Variants in DNAH1 observed in about 807,000 individuals in gnomAD.
The protein encoded by DNAH1 is axonemal beta dynein heavy chain 1.
DNAH1 carries 327 observed loss-of-function variants against 484.3 expected under a neutral mutation model. The ratio of observed to expected loss-of-function variants is 0.68; its 90% confidence interval spans 0.62 to 0.74. DNAH1 has a LOEUF of 0.74. Among genes scored for constraint, DNAH1 ranks in the 30% least tolerant of loss-of-function variants. The pLI, the probability that DNAH1 is intolerant of heterozygous loss-of-function variation, is 0.00. For missense variants in DNAH1, 5,052 were observed against 5,546.8 expected (o/e 0.91, Z 2.83); for synonymous variants, 2,192 against 2,191.9 (o/e 1.00, Z 0.00).
chr3:52,370,327 A>ACATGGTGCAC lies in DNAH1; in HGVS notation c.6258+107_6258+108insCCATGGTGCA, dbSNP rs1425469598. 9 of 1,537,166 alleles carry ACATGGTGCAC rather than the reference A, an allele frequency of 5.9e-6. No individual in the cohort carries two copies. The Admixed American group carries it at 1.5e-4, about 26-fold the overall frequency. ...TGAAAGAGAGAATTGGATTGGTGCA[A>ACATGGTGCAC]CATGGTGCAACATGGACAAGACCAC... On this transcript the variant is annotated intron_variant, in intron 39 of 77. Transcript: ENST00000420323.
chr3:52,399,406 C>G, intron 76 of DNAH1, 139 bp from the exon 77 acceptor site: 1 of 937,794 alleles, frequency 1.1e-6, no homozygotes, highest in Non-Finnish European at 1.6e-6. Context: ...AGACCACAGG[C>G]CATGGGCTAA....
chr3:52,326,288 G>GCCT lies in DNAH1; in HGVS notation c.556_557insCTC (p.Gln185_His186insPro). On this transcript the variant is annotated inframe_insertion, in exon 4 of 78. Coordinates refer to ENST00000420323, the MANE Select transcript of DNAH1 (RefSeq NM_015512.5). ...TGCCTTTCCAGGTGCTGCCAGGCCA[G>GCCT]CATCCTCGCAAGATTGAGATCGAGA... The GCCT allele has an allele frequency of 6.2e-7, 1 of 1,609,692 alleles. No individual in the cohort carries two copies. The highest frequency in any genetic ancestry group is 8.5e-7 in the Non-Finnish European group (1 of 1,179,760).
chr3:52,365,145 G>A (rs1349185010), intron 34 of DNAH1, 126 bp downstream of exon 34: 1 of 1,319,432 alleles, frequency 7.6e-7, no homozygotes, highest in Non-Finnish European at 1.0e-6. Flanking sequence ...TGTGCTGCAG[G>A]CCCGGGCTCT....
intron 44 of DNAH1, chr3:52,374,066 C>T: frequency 9.8e-7 from 1 of 1,025,512 alleles, no homozygotes; most frequent in East Asian, 2.4e-5. Context: ...GCTTTTAAAG[C>T]TCTTTGACAG....
intron 7 of DNAH1, 50 bp downstream of exon 7, chr3:52,331,359 C>A: frequency 6.4e-7 from 1 of 1,556,388 alleles, no homozygotes; most frequent in South Asian, 1.2e-5. Flanking sequence ...TGGGCCTGGC[C>A]GGCCTGTGAC....
Position 52,341,530 on chromosome 3 carries a change from CTTTTTTTTT to C in DNAH1, c.1287-2944_1287-2936del, listed in dbSNP as rs55645528. Among the ~76,000 whole-genome samples, 49 of 101,168 alleles carry C rather than the reference CTTTTTTTTT, an allele frequency of 4.8e-4. 1 individual carries two copies. The highest frequency in any genetic ancestry group is 1.2e-3 in the Admixed American group (11 of 9,556). 66.4% of individuals were successfully genotyped at this position (101,168 alleles called of 152,430 possible). On this transcript the variant is annotated intron_variant, in intron 8 of 77. Transcript: ENST00000420323. ...CCAGAACAAGAGGGCTTGACTTTGACTTTTTTTTTTTTTTTTTTTTTTTTGAGACAGGGT... is the reference window on the plus strand; with the variant it reads ...CCAGAACAAGAGGGCTTGACTTTGACTTTTTTTTTTTTTTTGAGACAGGGT...
chr3:52,399,500 C>T, intron 76 of DNAH1, 45 bp from the exon 77 acceptor site: 1 of 1,516,182 alleles, frequency 6.6e-7, no homozygotes, highest in Non-Finnish European at 9.0e-7. Flanking sequence ...AACCCAGATT[C>T]TGGGTATTGT....
rs750397107 is a variant in DNAH1 at position 52,355,726 on chromosome 3, C to G, written c.3693+671C>G. Reference sequence around the variant, plus strand: ...CCAGAGATGCCTGAGCTGGTCAGCACTATCCCCAGTCCCCCTCTGCTCACG... The same window carrying G: ...CCAGAGATGCCTGAGCTGGTCAGCAGTATCCCCAGTCCCCCTCTGCTCACG... On this transcript the variant is annotated intron_variant, in intron 21 of 77. Transcript: ENST00000420323. This position sits in a 1 kb window ranked among gnomAD's most constrained non-coding sequence, Gnocchi z 4.5. Among the ~76,000 whole-genome samples the G allele has an allele frequency of 6.6e-6, 1 of 152,258 alleles. No individual in the cohort carries two copies. Among genetic ancestry groups the G allele is most frequent in the African/African-American group, 2.4e-5 (1 of 41,470 alleles).
upstream of DNAH1, chr3:52,316,265 A>C (rs2153222191): frequency 6.6e-6 from 1 of 152,398 alleles, no homozygotes; most frequent in East Asian, 1.9e-4. Flanking sequence ...AGCTGTACCT[A>C]GTGTGGGAAG....
Position 52,396,554 on chromosome 3 carries a change from T to G in DNAH1, c.11430+16T>G. On this transcript the variant is annotated intron_variant, in intron 71 of 77. Transcript: ENST00000420323. ...CTGCCACAAGGTGAGGCACACTTGG[T>G]GCAGGCCTACCCTACCTGCCCCCGT... 6.2e-7 allele frequency: 1 copy of G among 1,612,700 alleles called. No individual in the cohort carries two copies. Among genetic ancestry groups the G allele is most frequent in the Non-Finnish European group, 8.5e-7 (1 of 1,179,232 alleles).
chr3:52,384,204 C>T (rs1227747348), intron 52 of DNAH1, among the ~76,000 whole-genome samples, 173 bp downstream of exon 52: 2 of 152,232 alleles, frequency 1.3e-5, no homozygotes, highest in East Asian at 1.9e-4. Flanking sequence ...ATGCGCAGAG[C>T]CACAGGTCAT....
chr3:52,345,326 T>G (rs1217482356), intron 9 of DNAH1, among the ~76,000 whole-genome samples, 169 bp from the exon 10 acceptor site: 1 of 152,104 alleles, frequency 6.6e-6, no homozygotes, highest in African/African-American at 2.4e-5. Context: ...CTGAAGAGCT[T>G]CAGTGCCACT....
Position 52,358,550 on chromosome 3 carries a change from G to T in DNAH1, c.4087-8G>T. The T allele has an allele frequency of 5.6e-6, 9 of 1,600,650 alleles. No homozygotes were observed. Among genetic ancestry groups the T allele is most frequent in the Non-Finnish European group, 7.7e-6 (9 of 1,173,924 alleles). On this transcript the variant is annotated splice_region_variant and splice_polypyrimidine_tract_variant and intron_variant, in intron 24 of 77. Transcript: ENST00000420323. This position sits in a 1 kb window ranked among gnomAD's most constrained non-coding sequence, Gnocchi z 4.2. The stretch of plus-strand genomic sequence containing the variant: ...GTGACCCCACTCCTGCTCCTCCACT[G>T]CTTGCAGCTGCTATTCCAGGAGGAC...
In DNAH1 at chr3:52,349,288, C is replaced by T; in HGVS notation, c.2394C>T (p.Pro798=). The T allele has an allele frequency of 6.2e-7, 1 of 1,614,026 alleles. No individual in the cohort carries two copies. The stretch of plus-strand genomic sequence containing the variant: ...AGGAGATCCTGGACAGCTCGCTGCC[C>T]AGCAGCATCATCATTGGGCCTTTCT... ...REKEILDSSL[P]SSIIIGPFYI... The change falls in exon 14 of 78, where the codon CCC becomes CCT. Residue 798 remains proline (P), a synonymous_variant. Transcript: ENST00000420323.
Position 52,395,258 on chromosome 3 carries a change from GATCT to G in DNAH1, c.10969-49_10969-46del. 6.3e-7 allele frequency: 1 copy of G among 1,590,586 alleles called. No homozygotes were observed. The highest frequency in any genetic ancestry group is 8.6e-7 in the Non-Finnish European group (1 of 1,166,704). ...ACCCCAGATCCCCCTCCCTTGCCCC[GATCT>G]CTCTGCAGCCCCAGGTGGTCTCAGC... On this transcript the variant is annotated intron_variant, in intron 68 of 77. Coordinates refer to ENST00000420323, the MANE Select transcript of DNAH1 (RefSeq NM_015512.5). The surrounding 1 kb of genome is among the most constrained non-coding windows in gnomAD (Gnocchi z 4.4).
At position 52,382,393 on chromosome 3, in the gene DNAH1, A is replaced by G; in HGVS notation, c.7879A>G (p.Lys2627Glu). 1 of 1,613,994 alleles carries G rather than the reference A, an allele frequency of 6.2e-7. No homozygotes were observed. Among genetic ancestry groups the G allele is most frequent in the South Asian group, 1.1e-5 (1 of 91,088 alleles). ...GTCCGAGTGGCGAGATGATGTGAAG[A>G]AGGTCCTGCTCAAGGCGGGCCTACA... Reference protein sequence around the residue: ...GMSEWRDDVKKVLLKAGLQNL... With the variant: ...GMSEWRDDVKEVLLKAGLQNL... The change falls in exon 50 of 78, where the codon AAG becomes GAG. Residue 2627 changes from lysine (K) to glutamate (E), a missense_variant. By Grantham distance (56) the Lys-to-Glu change is moderately conservative (BLOSUM62 1). Around this residue, in one of 4 missense-constraint regions of DNAH1, gnomAD observed 2,929 missense variants for 3,409.4 expected, o/e 0.86. Coordinates refer to ENST00000420323, the MANE Select transcript of DNAH1 (RefSeq NM_015512.5).
Position 52,375,274 on chromosome 3 carries a change from C to T in DNAH1, c.7020C>T (p.Val2340=), listed in dbSNP as rs200691263. ...AFKNLVDINF[V]CAMGPPGGGR... Reference sequence around the variant, plus strand: ...AGAACCTAGTGGACATCAACTTTGTCTGTGCCATGGGCCCCCCGGGTGGAG... The same window carrying T: ...AGAACCTAGTGGACATCAACTTTGTTTGTGCCATGGGCCCCCCGGGTGGAG... Residue 2340 remains valine, a synonymous_variant, in exon 45 of 78, where the codon GTC becomes GTT. Coordinates refer to ENST00000420323, the MANE Select transcript of DNAH1 (RefSeq NM_015512.5). The T allele has an allele frequency of 1.1e-4, 173 of 1,610,666 alleles. No homozygotes were observed. The African/African-American group carries it at 2.0e-3, about 18-fold the overall frequency.
chr3:52,394,475 G>A lies in DNAH1; in HGVS notation c.10637G>A (p.Arg3546Gln), dbSNP rs201932960. ...CCTGTCCCCTGCCAGAGTGAGTGGC[G>A]ATACCTCCTGTCTGGGGGCTCCATC... ...NEGKINQSEW[R>Q]YLLSGGSISI... Residue 3546 changes from arginine to glutamine, a missense_variant, in exon 67 of 78, where the codon CGA (arginine) becomes CAA (glutamine). Physicochemically the swap from Arg to Gln is conservative, Grantham distance 43 (BLOSUM62 1). This residue lies in a region of DNAH1 where 2,929 missense variants were observed against 3,409.4 expected (regional missense o/e 0.86). Transcript: ENST00000420323. The A allele has an allele frequency of 8.2e-5, 132 of 1,613,946 alleles. No homozygotes were observed. The East Asian group carries it at 2.3e-3, about 28-fold the overall frequency.
In DNAH1 at chr3:52,360,029, C is replaced by T. The variant is rs186620563; in HGVS notation, c.4521C>T (p.Ile1507=). Residue 1507 remains isoleucine, a synonymous_variant, in exon 27 of 78, where the codon ATC becomes ATT. Transcript: ENST00000420323. Reference sequence around the variant, plus strand: ...CCAAGGACGTGGTGAGCAAGCTAATCCAGGAGAACGTGGTCAGCGTGAATG... The same window carrying T: ...CCAAGGACGTGGTGAGCAAGCTAATTCAGGAGAACGTGGTCAGCGTGAATG... The part of the protein sequence containing the change: ...VHAKDVVSKL[I]QENVVSVNDF... 4.3e-6 allele frequency: 7 copies of T among 1,613,928 alleles called. No individual in the cohort carries two copies. The Admixed American group carries it at 1.0e-4, about 23-fold the overall frequency.
Sources: allele counts gnomAD v4.1 joint callset (sites outside exome capture counted in the v4.1 genomes callset), GRCh38; gene constraint gnomAD v4.1.1; regional missense constraint gnomAD v4.1.1; non-coding constraint Gnocchi (gnomAD v3.1); transcripts MANE v1.5; gene names NCBI Gene and HGNC (gene_info 2026-07-23, HGNC 2026-07-21).